The following UBE2E2 variants were observed in gnomAD, a reference collection of about 807,000 sequenced individuals.
UBE2E2 encodes ubiquitin conjugating enzyme E2 E2, also known as ubiquitin-conjugating enzyme E2 E2.
In UBE2E2, 6 loss-of-function variants were observed where a neutral mutation model predicts 24.7. That is an observed-to-expected ratio of 0.24 (90% CI 0.13 to 0.48). UBE2E2 has a LOEUF of 0.48. Among genes scored for constraint, UBE2E2 ranks in the 20% least tolerant of loss-of-function variants. The probability of loss-of-function intolerance (pLI) is 0.99; values close to 1 mark genes in which losing one functional copy is unlikely to be tolerated. For missense variants in UBE2E2, 169 were observed against 245.0 expected (o/e 0.69, Z 2.07); for synonymous variants, 104 against 83.6 (o/e 1.24, Z -1.33).
chr3:23,357,633 C>T (rs1695995425), intron 3 of UBE2E2, among the ~76,000 whole-genome samples: 1 of 151,948 alleles, frequency 6.6e-6, no homozygotes, highest in South Asian at 2.1e-4. Context: ...TATGGGAGCT[C>T]CATATCAGCA....
chr3:23,393,076 A>G (rs946597254), intron 3 of UBE2E2, among the ~76,000 whole-genome samples: 6 of 152,240 alleles, frequency 3.9e-5, no homozygotes, highest in African/African-American at 1.4e-4. Flanking sequence ...TCAGATTCTC[A>G]TCTTACAGAG....
chr3:23,583,052 A>G lies in UBE2E2; in HGVS notation c.509-6682A>G, dbSNP rs564934424. ...TCCTAAGTTGTCTTCCAGGGTTTTC[A>G]TAGTTTTAGGTTTTACATTTAAGTC... On this transcript the variant is annotated intron_variant, in intron 5 of 5. Transcript: ENST00000396703. This position sits in a 1 kb window ranked among gnomAD's most constrained non-coding sequence, Gnocchi z 4.1. 6.6e-6 allele frequency among the ~76,000 whole-genome samples: 1 copy of G among 152,118 alleles called. No homozygotes were observed. Among genetic ancestry groups the G allele is most frequent in the South Asian group, 2.1e-4 (1 of 4,828 alleles).
intron 4 of UBE2E2, among the ~76,000 whole-genome samples, chr3:23,524,402 G>A (rs946341612): frequency 3.9e-5 from 6 of 152,180 alleles, no homozygotes; most frequent in Non-Finnish European, 5.9e-5. Context: ...TTCCTGCTGA[G>A]TGCCAGGCAG....
intron 3 of UBE2E2, among the ~76,000 whole-genome samples, chr3:23,320,734 C>T (rs530140188): frequency 1.3e-5 from 2 of 152,304 alleles, no homozygotes; most frequent in South Asian, 4.1e-4. Flanking sequence ...GTCTGGACTA[C>T]TAGGGATTAT....
chr3:23,465,865 G>A (rs1698909637), intron 3 of UBE2E2, among the ~76,000 whole-genome samples: 1 of 152,126 alleles, frequency 6.6e-6, no homozygotes, highest in Non-Finnish European at 1.5e-5. Context: ...GAGTTATATA[G>A]TATGCCTCAC....
At chr3:23,217,231 TA>T (rs1379150163) in intron 2 of UBE2E2, 30 bp from the exon 3 acceptor site, 7 of 1,583,328 alleles carry the variant, frequency 4.4e-6, no homozygotes, top group Non-Finnish European at 6.1e-6. Flanking sequence ...AAGATATTTT[TA>T]ACATAATGTT....
intron 3 of UBE2E2, among the ~76,000 whole-genome samples, chr3:23,272,872 A>G (rs1029518011): frequency 6.6e-6 from 1 of 152,176 alleles, no homozygotes; most frequent in African/African-American, 2.4e-5. Flanking sequence ...AAGACCAAGA[A>G]GAGCCCAAGT....
chr3:23,224,604 T>C (rs998875336), intron 3 of UBE2E2, among the ~76,000 whole-genome samples: 1 of 152,072 alleles, frequency 6.6e-6, no homozygotes, highest in Non-Finnish European at 1.5e-5. Context: ...GGAACAAGGC[T>C]GATTTGACTT....
At chr3:23,565,102 C>A (rs1349680835) in intron 5 of UBE2E2, among the ~76,000 whole-genome samples, 2 of 152,014 alleles carry the variant, frequency 1.3e-5, no homozygotes, top group Non-Finnish European at 2.9e-5. Context: ...CGCTTTTGTT[C>A]CCATTATTTT....
chr3:23,288,454 T>A (rs185035260), intron 3 of UBE2E2, among the ~76,000 whole-genome samples: 40 of 152,252 alleles, frequency 2.6e-4, no homozygotes, highest in African/African-American at 9.6e-4. Flanking sequence ...GCTGATTAAG[T>A]CTGATTTTTC....
intron 3 of UBE2E2, among the ~76,000 whole-genome samples, chr3:23,357,047 T>G (rs1046862878): frequency 6.6e-6 from 1 of 152,212 alleles, no homozygotes; most frequent in African/African-American, 2.4e-5. Flanking sequence ...GAGGGGAGAT[T>G]CTGTAGAAAG....
intron 3 of UBE2E2, among the ~76,000 whole-genome samples, chr3:23,469,172 T>C (rs1016745875): frequency 1.3e-5 from 2 of 152,194 alleles, no homozygotes; most frequent in Admixed American, 1.3e-4. Context: ...TACCAACTTA[T>C]CACTGGATCC....
At chr3:23,462,458 G>A (rs1214183946) in intron 3 of UBE2E2, among the ~76,000 whole-genome samples, 1 of 152,174 alleles carries the variant, frequency 6.6e-6, no homozygotes, top group African/African-American at 2.4e-5. Flanking sequence ...ACAGGTGTAT[G>A]ATAATGTGTA....
At chr3:23,446,048 G>A (rs896014269) in intron 3 of UBE2E2, among the ~76,000 whole-genome samples, 13 of 152,130 alleles carry the variant, frequency 8.5e-5, no homozygotes, top group African/African-American at 2.4e-4. Context: ...CTTGTACCAT[G>A]AGATCCATTG....
intron 5 of UBE2E2, among the ~76,000 whole-genome samples, chr3:23,581,718 G>A (rs1159822715): frequency 6.6e-6 from 1 of 152,192 alleles, no homozygotes; most frequent in Non-Finnish European, 1.5e-5. Context: ...TCTTCAAGAT[G>A]TGTATGTTTT....
intron 5 of UBE2E2, among the ~76,000 whole-genome samples, chr3:23,535,576 C>A (rs2125488165): frequency 6.6e-6 from 1 of 151,586 alleles, no homozygotes; most frequent in East Asian, 1.9e-4. Context: ...TCTTATTAGG[C>A]CACCACTTCA....
At position 23,270,152 on chromosome 3, in the gene UBE2E2, C is replaced by CT. The variant is rs71051207; in HGVS notation, c.227+52861dup. On this transcript the variant is annotated intron_variant, in intron 3 of 5. Coordinates refer to ENST00000396703, the MANE Select transcript of UBE2E2 (RefSeq NM_152653.4). ...CAAGACTCTTTCCACCCCCCTCCTC[C>CT]TTTTTTTTTTTTTTTTTTTTTGCCT... 1.8e-3 allele frequency among the ~76,000 whole-genome samples: 179 copies of CT among 100,692 alleles called. 1 individual carries two copies. The highest frequency in any genetic ancestry group is 3.6e-3 in the East Asian group (12 of 3,376). 66.1% of individuals were successfully genotyped at this position (100,692 alleles called of 152,430 possible).
At chr3:23,500,199 C>G (rs564582329) in intron 4 of UBE2E2, among the ~76,000 whole-genome samples, 1 of 152,238 alleles carries the variant, frequency 6.6e-6, no homozygotes, top group Non-Finnish European at 1.5e-5. Context: ...TTTGGTGCCT[C>G]TAGAGTTCAG....
chr3:23,363,143 A>T (rs558324876), intron 3 of UBE2E2, among the ~76,000 whole-genome samples: 1 of 152,352 alleles, frequency 6.6e-6, no homozygotes, highest in East Asian at 1.9e-4. Context: ...GATGTCTTGA[A>T]GGGAGTGCTA....
Sources: allele counts gnomAD v4.1 joint callset (sites outside exome capture counted in the v4.1 genomes callset), GRCh38; gene constraint gnomAD v4.1.1; non-coding constraint Gnocchi (gnomAD v3.1); transcripts MANE v1.5; gene names NCBI Gene and HGNC (gene_info 2026-07-23, HGNC 2026-07-21).